TRABD2B: variants seen among roughly 807,000 people sequenced by gnomAD.
TRABD2B encodes TraB domain containing 2B.
In TRABD2B, 14 loss-of-function variants were observed where a neutral mutation model predicts 40.1. The observed-to-expected ratio is 0.35, with a 90% confidence interval of 0.23 to 0.55. TRABD2B has a LOEUF of 0.55. Among genes scored for constraint, TRABD2B ranks in the 20% least tolerant of loss-of-function variants. The pLI, the probability that TRABD2B is intolerant of heterozygous loss-of-function variation, is 0.90. For synonymous variants in TRABD2B, 263 were observed against 277.0 expected (o/e 0.95, Z 0.50); for missense variants, 541 against 648.6 (o/e 0.83, Z 1.80).
intron 2 of TRABD2B, among the ~76,000 whole-genome samples, chr1:47,869,058 C>T (rs970769041): frequency 6.6e-6 from 1 of 152,096 alleles, no homozygotes. Context: ...CTCCCTCCCT[C>T]CTTCCCCCAA....
At chr1:47,942,255 G>T (rs189445320) in intron 2 of TRABD2B, among the ~76,000 whole-genome samples, 2 of 152,274 alleles carry the variant, frequency 1.3e-5, no homozygotes, top group Admixed American at 1.3e-4. Context: ...ACCTATGGGT[G>T]AGCAAAAGCC....
intron 2 of TRABD2B, among the ~76,000 whole-genome samples, chr1:47,934,953 G>A (rs1401995381): frequency 1.3e-5 from 2 of 152,092 alleles, no homozygotes; most frequent in African/African-American, 4.8e-5. Context: ...ACAGTGAAAG[G>A]GGCCTCCGAA....
chr1:47,967,253 T>A (rs927889255), intron 2 of TRABD2B, among the ~76,000 whole-genome samples: 4 of 152,002 alleles, frequency 2.6e-5, no homozygotes, highest in Non-Finnish European at 4.4e-5. Context: ...ATCCTGGTGC[T>A]TAGAGACAGC....
Position 47,950,458 on chromosome 1 carries a change from C to A in TRABD2B, c.666+43576G>T, listed in dbSNP as rs559944704. ...TGAGCTCAAGTATAAAGGCCCAAGA[C>A]AGAAATGAGTTTGATGAGCTGAAGA... On this transcript the variant is annotated intron_variant, in intron 2 of 6. Transcript: ENST00000606738. 3.1e-3 allele frequency among the ~76,000 whole-genome samples: 477 copies of A among 152,100 alleles called. 2 individuals are homozygous for A. The highest frequency in any genetic ancestry group is 4.6e-3 in the Non-Finnish European group (311 of 68,010).
At chr1:47,808,509 C>A in intron 2 of TRABD2B, among the ~76,000 whole-genome samples, 1 of 152,122 alleles carries the variant, frequency 6.6e-6, no homozygotes, top group South Asian at 2.1e-4. Context: ...GAAGCAGAGG[C>A]CAGCGTGGCT....
chr1:47,936,291 G>C (rs770805424), intron 2 of TRABD2B, among the ~76,000 whole-genome samples: 1 of 152,154 alleles, frequency 6.6e-6, no homozygotes, highest in Non-Finnish European at 1.5e-5. Flanking sequence ...GAAATAACAG[G>C]CCACCCTAAG....
intron 6 of TRABD2B, among the ~76,000 whole-genome samples, chr1:47,772,980 T>C (rs1338685575): frequency 6.6e-6 from 1 of 152,270 alleles, no homozygotes; most frequent in Non-Finnish European, 1.5e-5. Flanking sequence ...TTTCTTCTCC[T>C]GAAATCAGGC....
intron 2 of TRABD2B, among the ~76,000 whole-genome samples, chr1:47,983,348 G>C (rs888276804): frequency 6.6e-6 from 1 of 152,122 alleles, no homozygotes; most frequent in East Asian, 1.9e-4. Flanking sequence ...AGGTTAGGAG[G>C]AAGGAGAGAA....
At chr1:47,766,148 C>G in intron 6 of TRABD2B, 42 bp from the exon 7 acceptor site, 1 of 700,416 alleles carries the variant, frequency 1.4e-6, no homozygotes, top group African/African-American at 1.7e-5. Flanking sequence ...CATCGGCAGC[C>G]TCGTCCTGGG....
intron 2 of TRABD2B, among the ~76,000 whole-genome samples, chr1:47,989,846 G>T (rs1345245471): frequency 6.6e-6 from 1 of 152,158 alleles, no homozygotes; most frequent in African/African-American, 2.4e-5. Flanking sequence ...CACTGGGAAA[G>T]CAGGGGTTGT....
At chr1:47,849,503 G>A (rs1430174546) in intron 2 of TRABD2B, among the ~76,000 whole-genome samples, 1 of 152,164 alleles carries the variant, frequency 6.6e-6, no homozygotes, top group African/African-American at 2.4e-5. Flanking sequence ...TGAATACAGT[G>A]GCTCACCTAA....
intron 6 of TRABD2B, among the ~76,000 whole-genome samples, chr1:47,767,231 C>T (rs1311844346): frequency 6.6e-6 from 1 of 152,126 alleles, no homozygotes; most frequent in African/African-American, 2.4e-5. Flanking sequence ...CCTCGAGGAA[C>T]CCTGAGCAGG....
intron 2 of TRABD2B, among the ~76,000 whole-genome samples, chr1:47,921,356 C>A (rs1644899605): frequency 6.6e-6 from 1 of 152,204 alleles, no homozygotes; most frequent in African/African-American, 2.4e-5. Flanking sequence ...AAAGACAAGT[C>A]CCAAGGTGGG....
At chr1:47,985,728 T>C (rs1204694401) in intron 2 of TRABD2B, among the ~76,000 whole-genome samples, 1 of 152,242 alleles carries the variant, frequency 6.6e-6, no homozygotes. Flanking sequence ...GCCAATTACA[T>C]TGTTGCACCT....
chr1:47,937,706 T>G (rs1385377842), intron 2 of TRABD2B, among the ~76,000 whole-genome samples: 1 of 151,950 alleles, frequency 6.6e-6, no homozygotes, highest in Non-Finnish European at 1.5e-5. Context: ...AGGAGTAGGG[T>G]TCATGGAGGT....
chr1:47,877,051 T>C (rs1644235406), intron 2 of TRABD2B, among the ~76,000 whole-genome samples: 1 of 152,034 alleles, frequency 6.6e-6, no homozygotes, highest in South Asian at 2.1e-4. Context: ...GTGATAAGTA[T>C]CATGAAGGGC....
At position 47,997,285 on chromosome 1, in the gene TRABD2B, A is replaced by G. The variant is rs1557704678; in HGVS notation, c.-496T>C. ...AGGGGTGGGGGGCGGCTCTGGGGCGACCGGCTGCCCCCGAGCCCGGCTCAG... is the reference window on the plus strand; with the variant it reads ...AGGGGTGGGGGGCGGCTCTGGGGCGGCCGGCTGCCCCCGAGCCCGGCTCAG... On this transcript the variant is annotated 5_prime_UTR_variant, in exon 1 of 7. Transcript: ENST00000606738. 5.5e-6 allele frequency: 5 copies of G among 914,462 alleles called. No homozygotes were observed. Among genetic ancestry groups the G allele is most frequent in the Non-Finnish European group, 5.2e-6 (4 of 771,540 alleles). The allele number at this position is 914,462 out of a possible 1,614,324, so 56.6% of individuals were successfully genotyped here. A position where few individuals can be genotyped will look rare whatever the true frequency, so the allele number is the denominator to read the frequency against.
chr1:47,939,116 T>C (rs1332301252), intron 2 of TRABD2B, among the ~76,000 whole-genome samples: 1 of 152,070 alleles, frequency 6.6e-6, no homozygotes, highest in Admixed American at 6.6e-5. Context: ...GTGAGGAGCC[T>C]TGAATTCCTA....
intron 2 of TRABD2B, among the ~76,000 whole-genome samples, chr1:47,929,504 A>G (rs530835989): frequency 6.6e-6 from 1 of 152,316 alleles, no homozygotes; most frequent in Admixed American, 6.5e-5. Context: ...GAGGGCAGAC[A>G]TTGCATCAGC....
Sources: allele counts gnomAD v4.1 joint callset (sites outside exome capture counted in the v4.1 genomes callset), GRCh38; gene constraint gnomAD v4.1.1; transcripts MANE v1.5; gene names NCBI Gene and HGNC (gene_info 2026-07-23, HGNC 2026-07-21).